TSNARE1: variants seen among roughly 807,000 people sequenced by gnomAD.
TSNARE1 encodes the protein t-SNARE domain containing 1.
In TSNARE1, 49 loss-of-function variants were observed where a neutral mutation model predicts 62.0. The observed-to-expected ratio is 0.79, with a 90% CI of 0.63 to 1.00. The LOEUF is 1.00. TSNARE1 is among the 50% of genes least tolerant of loss of function. The pLI is 0.00. For missense variants in TSNARE1, 755 were observed against 700.1 expected (o/e 1.08, Z -0.88); for synonymous variants, 328 against 294.4 (o/e 1.11, Z -1.17).
At chr8:142,276,290 C>T in intron 11 of TSNARE1, 3 of 985,452 alleles carry the variant, frequency 3.0e-6, no homozygotes, top group Non-Finnish European at 3.6e-6. Context: ...CTCTCTATGT[C>T]CTGCCACATT....
At chr8:142,241,643 C>T (rs1247841355) in intron 12 of TSNARE1, among the ~76,000 whole-genome samples, 1 of 152,166 alleles carries the variant, frequency 6.6e-6, no homozygotes, top group East Asian at 1.9e-4. Flanking sequence ...AGGGTACTGG[C>T]ACAAAAACAG....
chr8:142,277,415 G>A (rs914778420), intron 11 of TSNARE1: 174 of 985,234 alleles, frequency 1.8e-4, no homozygotes, highest in South Asian at 5.6e-4. Flanking sequence ...GGGTCAACTC[G>A]CTGCCCCCAG....
chr8:142,282,757 G>A (rs1386837846), intron 11 of TSNARE1, among the ~76,000 whole-genome samples: 1 of 148,198 alleles, frequency 6.7e-6, no homozygotes, highest in Non-Finnish European at 1.5e-5. Flanking sequence ...GCAAAGGCGG[G>A]GTCAGTGTCT....
chr8:142,302,264 C>A (rs1300072422), intron 9 of TSNARE1, among the ~76,000 whole-genome samples: 12 of 152,188 alleles, frequency 7.9e-5, no homozygotes, highest in African/African-American at 2.9e-4. Flanking sequence ...CCACACACAC[C>A]CCCTGACACA....
At chr8:142,338,771 G>A (rs989988438) in intron 4 of TSNARE1, among the ~76,000 whole-genome samples, 2 of 152,260 alleles carry the variant, frequency 1.3e-5, no homozygotes, top group African/African-American at 4.8e-5. Flanking sequence ...GCTTGAGCTA[G>A]CGCTGGGTGC....
chr8:142,256,846 CTA>C (rs976801557), intron 12 of TSNARE1, among the ~76,000 whole-genome samples: 3 of 152,308 alleles, frequency 2.0e-5, no homozygotes, highest in African/African-American at 7.2e-5. Context: ...GCAGCCACTG[CTA>C]CTCAGCACAA....
intron 1 of TSNARE1, among the ~76,000 whole-genome samples, chr8:142,374,503 C>G (rs538829314): frequency 6.6e-6 from 1 of 151,428 alleles, no homozygotes; most frequent in African/African-American, 2.4e-5. Flanking sequence ...ATGGTGAAAC[C>G]CCGTCTCTAC....
intron 10 of TSNARE1, among the ~76,000 whole-genome samples, chr8:142,289,624 G>A (rs1345582310): frequency 2.6e-5 from 4 of 152,164 alleles, no homozygotes; most frequent in Admixed American, 2.6e-4. Context: ...GCCTGCACTA[G>A]AGGCCCCAGA....
At chr8:142,330,837 C>T in intron 6 of TSNARE1, 64 bp downstream of exon 6, 3 of 1,557,352 alleles carry the variant, frequency 1.9e-6, no homozygotes, top group South Asian at 1.1e-5. Context: ...GGACCACACT[C>T]CCGCCCCTGC....
intron 10 of TSNARE1, among the ~76,000 whole-genome samples, chr8:142,286,571 A>C (rs548161328): frequency 8.5e-5 from 13 of 152,308 alleles, no homozygotes; most frequent in African/African-American, 2.6e-4. Flanking sequence ...CTATGGGGGC[A>C]ACAGTGAACG....
intron 12 of TSNARE1, among the ~76,000 whole-genome samples, chr8:142,266,475 T>A (rs1819137112): frequency 6.6e-6 from 1 of 152,246 alleles, no homozygotes; most frequent in Non-Finnish European, 1.5e-5. Context: ...CCTTTAATCT[T>A]GAAAGGTAGT....
At chr8:142,279,343 G>C (rs1220934415) in intron 11 of TSNARE1, among the ~76,000 whole-genome samples, 2 of 152,248 alleles carry the variant, frequency 1.3e-5, no homozygotes, top group Admixed American at 6.5e-5. Context: ...GGGAACGGCA[G>C]AGGCCAAGAT....
intron 11 of TSNARE1, chr8:142,277,885 G>T: frequency 1.0e-6 from 1 of 985,350 alleles, no homozygotes; most frequent in Non-Finnish European, 1.2e-6. Context: ...GGCCACACCA[G>T]TGCCACCCCT....
intron 10 of TSNARE1, among the ~76,000 whole-genome samples, chr8:142,292,402 G>A (rs1466235611): frequency 6.6e-6 from 1 of 152,208 alleles, no homozygotes; most frequent in African/African-American, 2.4e-5. Flanking sequence ...GAATTTTGAA[G>A]ATGGGCATGA....
chr8:142,253,766 C>T (rs897665102), intron 12 of TSNARE1, among the ~76,000 whole-genome samples: 9 of 152,250 alleles, frequency 5.9e-5, no homozygotes, highest in African/African-American at 2.2e-4. Context: ...GACCCTGCGG[C>T]TGGTCAGTGG....
intron 12 of TSNARE1, chr8:142,273,923 C>A (rs942168596): frequency 1.0e-6 from 1 of 985,042 alleles, no homozygotes; most frequent in East Asian, 1.1e-4. Context: ...GTCCTGGGCT[C>A]GTCTGGCTGC....
intron 12 of TSNARE1, chr8:142,273,637 G>T: frequency 1.0e-6 from 1 of 985,350 alleles, no homozygotes; most frequent in Non-Finnish European, 1.2e-6. Context: ...GAGTCTCATG[G>T]CCCCCGACAG....
At chr8:142,237,963 GGCCCACGCCACCCGCCT>G (rs946350521) in intron 12 of TSNARE1, among the ~76,000 whole-genome samples, 35 of 152,158 alleles carry the variant, frequency 2.3e-4, no homozygotes, top group Non-Finnish European at 3.5e-4. Context: ...TTTCCCTGCT[GGCCCACGCCACCCGCCT>G]GCCCACGCCA....
chr8:142,350,325 C>A (rs1219858936), intron 2 of TSNARE1, among the ~76,000 whole-genome samples: 1 of 152,186 alleles, frequency 6.6e-6, no homozygotes, highest in Non-Finnish European at 1.5e-5. Flanking sequence ...CTATTGTGTA[C>A]AATTTCATTT....
Sources: allele counts gnomAD v4.1 joint callset (sites outside exome capture counted in the v4.1 genomes callset), GRCh38; gene constraint gnomAD v4.1.1; transcripts MANE v1.5; gene names NCBI Gene and HGNC (gene_info 2026-07-23, HGNC 2026-07-21).